Variants in PTPA observed in about 807,000 individuals in gnomAD.
PTPA encodes the protein protein phosphatase 2 phosphatase activator, also known as serine/threonine-protein phosphatase 2A activator.
A neutral mutation model predicts 43.6 loss-of-function variants in PTPA; 13 were observed. That is an observed-to-expected ratio of 0.30 (90% CI 0.19 to 0.47). PTPA has a LOEUF of 0.47. PTPA is among the 20% of genes least tolerant of loss of function. The pLI is 0.99. For synonymous variants in PTPA, 172 were observed against 158.2 expected (o/e 1.09, Z -0.66); for missense variants, 329 against 411.9 (o/e 0.80, Z 1.74).
chr9:129,132,314 TTTAAG>T (rs1225933421), intron 5 of PTPA, among the ~76,000 whole-genome samples: 1 of 151,704 alleles, frequency 6.6e-6, no homozygotes, highest in African/African-American at 2.4e-5. Flanking sequence ...AAAAATTTAT[TTTAAG>T]TTATTTTTAT....
intron 2 of PTPA, 104 bp from the exon 3 acceptor site, chr9:129,122,948 T>C (rs1434919454): frequency 6.0e-6 from 5 of 833,402 alleles, no homozygotes; most frequent in Non-Finnish European, 5.9e-6. Context: ...TCAGGAGAAG[T>C]AGAAAGCTCG....
At chr9:129,120,866 G>C (rs1238298615) in intron 2 of PTPA, among the ~76,000 whole-genome samples, 1 of 152,202 alleles carries the variant, frequency 6.6e-6, no homozygotes, top group East Asian at 1.9e-4. Flanking sequence ...GTTCTCTTAA[G>C]CCATTGCCCC....
intron 9 of PTPA, among the ~76,000 whole-genome samples, chr9:129,146,932 G>A (rs1312931044): frequency 6.6e-6 from 1 of 152,248 alleles, no homozygotes; most frequent in East Asian, 1.9e-4. Context: ...GAAGTGCCAA[G>A]ATGCCTTTTT....
intron 1 of PTPA, chr9:129,112,084 G>C (rs1047098146): frequency 1.2e-5 from 2 of 163,360 alleles, no homozygotes; most frequent in Non-Finnish European, 2.6e-5. Flanking sequence ...CTCGCCTCCA[G>C]TTTCGGCCTC....
chr9:129,125,754 A>G (rs938626489), intron 3 of PTPA, among the ~76,000 whole-genome samples: 1 of 152,224 alleles, frequency 6.6e-6, no homozygotes, highest in African/African-American at 2.4e-5. Context: ...TGTCTTTTGC[A>G]TAGCGCCTAA....
chr9:129,119,090 C>G (rs1315030065), intron 1 of PTPA: 1 of 186,228 alleles, frequency 5.4e-6, no homozygotes, highest in Non-Finnish European at 1.2e-5. Flanking sequence ...CCCCCACCTC[C>G]TGGACTCAGG....
At chr9:129,126,370 G>A (rs1849579871) in intron 3 of PTPA, among the ~76,000 whole-genome samples, 1 of 151,624 alleles carries the variant, frequency 6.6e-6, no homozygotes, top group African/African-American at 2.4e-5. Context: ...AGTAGAGATG[G>A]GGTTTTTCCA....
Position 129,142,686 on chromosome 9 carries a change from C to T in PTPA, c.894+134C>T, listed in dbSNP as rs777900672. On this transcript the variant is annotated intron_variant, in intron 9 of 9. Coordinates refer to ENST00000393370, the MANE Select transcript of PTPA (RefSeq NM_178000.3). ...TGTTTTGCTCTGAATCTTAGGCCAG[C>T]CCCTCTGACACTTGGGGCCTCGGAA... 2.6e-6 allele frequency: 4 copies of T among 1,546,690 alleles called. No homozygotes were observed. In the South Asian group the frequency reaches 4.7e-5, roughly 18 times the overall value.
chr9:129,140,569 G>C (rs1011557025), intron 8 of PTPA, among the ~76,000 whole-genome samples: 4 of 152,222 alleles, frequency 2.6e-5, no homozygotes, highest in African/African-American at 4.8e-5. Flanking sequence ...CAGGAGGCAG[G>C]GGCTCTTGTC....
chr9:129,120,594 A>G lies in PTPA; in HGVS notation c.113A>G (p.Lys38Arg). The G allele has an allele frequency of 6.2e-7, 1 of 1,613,154 alleles. No individual in the cohort carries two copies. The highest frequency in any genetic ancestry group is 2.2e-5 in the East Asian group (1 of 44,880). The change falls in exon 2 of 10, where the codon AAA becomes AGA. Residue 38 changes from lysine (K) to arginine (R), a missense_variant. Coordinates refer to ENST00000393370, the MANE Select transcript of PTPA (RefSeq NM_178000.3). ...ATCCACACAGTTCCAGACATGGGCA[A>G]ATGGAAGCGTTCTCAGGTACCATTT... ...KEIHTVPDMGKWKRSQAYADY... is the reference protein window; with the variant it reads ...KEIHTVPDMGRWKRSQAYADY...
rs899605981 is a variant in PTPA at position 129,147,597 on chromosome 9, C to T, written c.*133C>T. 2.6e-5 allele frequency: 26 copies of T among 989,950 alleles called. No individual in the cohort carries two copies. The highest frequency in any genetic ancestry group is 1.3e-4 in the East Asian group (5 of 37,524). 61.3% of individuals were successfully genotyped at this position (989,950 alleles called of 1,614,324 possible). A position where few individuals can be genotyped will look rare whatever the true frequency, so the allele number is the denominator to read the frequency against. ...GAGGCTGTTTACTGGGGTGGGGTGG[C>T]GAGATGGGCTTGAGGGGGCTCAGAG... is the stretch of plus-strand genomic sequence containing the variant. On this transcript the variant is annotated 3_prime_UTR_variant, in exon 10 of 10. Transcript: ENST00000393370.
intron 6 of PTPA, among the ~76,000 whole-genome samples, chr9:129,135,957 T>A (rs1216880687): frequency 6.6e-6 from 1 of 151,882 alleles, no homozygotes; most frequent in Non-Finnish European, 1.5e-5. Context: ...ATCAGTGATT[T>A]TTTATTTATT....
intron 7 of PTPA, among the ~76,000 whole-genome samples, chr9:129,137,006 G>A (rs1443144751): frequency 7.9e-5 from 12 of 152,332 alleles, no homozygotes; most frequent in Admixed American, 4.6e-4. Flanking sequence ...AAAGGGGCCC[G>A]TTAGGGAGCA....
At chr9:129,138,513 T>C (rs373523907) in intron 8 of PTPA, among the ~76,000 whole-genome samples, 1 of 152,162 alleles carries the variant, frequency 6.6e-6, no homozygotes, top group East Asian at 1.9e-4. Flanking sequence ...TCTCATCCTC[T>C]CTGCCATCCC....
intron 2 of PTPA, 57 bp from the exon 3 acceptor site, chr9:129,122,994 TG>T (rs1015775184): frequency 6.6e-6 from 9 of 1,354,610 alleles, no homozygotes; most frequent in Non-Finnish European, 8.3e-6. Context: ...TCGGGGCAGG[TG>T]GGGCGGGGGG....
At chr9:129,116,500 C>T (rs1484919547) in intron 1 of PTPA, among the ~76,000 whole-genome samples, 1 of 151,384 alleles carries the variant, frequency 6.6e-6, no homozygotes, top group East Asian at 1.9e-4. Flanking sequence ...CATTCTCCTG[C>T]CTCAGCCTCC....
chr9:129,126,839 TG>T (rs1849612396), intron 3 of PTPA, among the ~76,000 whole-genome samples: 1 of 152,184 alleles, frequency 6.6e-6, no homozygotes, highest in South Asian at 2.1e-4. Flanking sequence ...GAAGAGGAGC[TG>T]GGAGCCTTTG....
At chr9:129,139,867 T>A (rs1359719994) in intron 8 of PTPA, 2 of 151,968 alleles carry the variant, frequency 1.3e-5, no homozygotes, top group Non-Finnish European at 2.9e-5. Context: ...GTGGGCATCC[T>A]AGGTGAGGGA....
intron 1 of PTPA, among the ~76,000 whole-genome samples, chr9:129,114,166 C>T (rs1057005075): frequency 1.5e-4 from 23 of 152,040 alleles, no homozygotes; most frequent in African/African-American, 4.8e-4. Context: ...GTTGCTGAGG[C>T]GCCCACCACT....
Sources: gnomAD v4.1 joint callset for allele counts (sites outside exome capture counted in the v4.1 genomes callset) on GRCh38, gnomAD v4.1.1 for gene constraint, MANE v1.5 for transcripts, NCBI Gene and HGNC (gene_info 2026-07-23, HGNC 2026-07-21) for gene names.